The following RORA variants were observed in gnomAD, a reference collection of about 807,000 sequenced individuals.
RORA encodes nuclear receptor ROR-alpha.
Under a neutral mutation model 69.5 loss-of-function variants are expected in RORA, and 7 were observed. That is an observed-to-expected ratio of 0.10 (90% CI 0.06 to 0.19). The LOEUF (loss-of-function observed/expected upper bound fraction) is 0.19. Ranked by LOEUF, RORA falls within the 10% of genes least tolerant of loss-of-function variation. The probability of loss-of-function intolerance (pLI) is 1.00; values close to 1 mark genes in which losing one functional copy is unlikely to be tolerated. For synonymous variants in RORA, 261 were observed against 240.8 expected (o/e 1.08, Z -0.78); for missense variants, 457 against 663.0 (o/e 0.69, Z 3.41).
chr15:60,902,069 G>A (rs1166184723), intron 1 of RORA, among the ~76,000 whole-genome samples: 1 of 152,170 alleles, frequency 6.6e-6, no homozygotes, highest in Non-Finnish European at 1.5e-5. Context: ...TGCTACTACT[G>A]AAATATGAAT....
At chr15:60,530,991 G>GA (rs2066510522) in intron 3 of RORA, 1 of 152,144 alleles carries the variant, frequency 6.6e-6, no homozygotes, top group Admixed American at 6.5e-5. Context: ...CTGGGCTTGG[G>GA]GGGTCTTGAA....
chr15:61,075,118 C>T (rs1207930472), intron 1 of RORA, among the ~76,000 whole-genome samples: 4 of 150,520 alleles, frequency 2.7e-5, no homozygotes, highest in Non-Finnish European at 5.9e-5. Context: ...CAGAGAGTAA[C>T]AGCGGCACGT....
intron 2 of RORA, among the ~76,000 whole-genome samples, chr15:60,663,522 G>A (rs1169963472): frequency 1.3e-5 from 2 of 152,180 alleles, no homozygotes; most frequent in South Asian, 4.1e-4. Flanking sequence ...ATGACGCGAT[G>A]TTGGCTCACT....
chr15:60,722,314 G>T lies in RORA; in HGVS notation c.167-43628C>A, dbSNP rs1337634710. On this transcript the variant is annotated intron_variant, in intron 1 of 10. Coordinates refer to ENST00000335670, the MANE Select transcript of RORA (RefSeq NM_134261.3). Reference sequence around the variant, plus strand: ...TGTTCCAGTGAGTGAAACTGAAGAGGAAATAAAATCACAAAGATAACCCCA... The same window carrying T: ...TGTTCCAGTGAGTGAAACTGAAGAGTAAATAAAATCACAAAGATAACCCCA... Among the ~76,000 whole-genome samples the T allele has an allele frequency of 3.3e-5, 5 of 152,164 alleles. 1 individual carries two copies. The highest frequency in any genetic ancestry group is 9.7e-5 in the African/African-American group (4 of 41,446).
chr15:60,701,999 G>A (rs1269271020), intron 1 of RORA, among the ~76,000 whole-genome samples: 1 of 152,162 alleles, frequency 6.6e-6, no homozygotes, highest in African/African-American at 2.4e-5. Flanking sequence ...TGCTCTAAAA[G>A]GCAGTTTTCA....
At chr15:61,126,208 C>A (rs2079141328) in intron 1 of RORA, among the ~76,000 whole-genome samples, 1 of 152,146 alleles carries the variant, frequency 6.6e-6, no homozygotes, top group Admixed American at 6.5e-5. Flanking sequence ...CTTTTCCCCT[C>A]CAGCTTTATT....
intron 2 of RORA, among the ~76,000 whole-genome samples, chr15:60,615,457 CTCCA>C (rs2069213319): frequency 6.6e-6 from 1 of 152,150 alleles, no homozygotes; most frequent in South Asian, 2.1e-4. Context: ...GAGATGGGGC[CTCCA>C]AGGACTTATC....
chr15:60,862,903 T>G (rs982721997), intron 1 of RORA, among the ~76,000 whole-genome samples: 26 of 152,242 alleles, frequency 1.7e-4, no homozygotes, highest in African/African-American at 5.8e-4. Context: ...GCTTCAAGAC[T>G]GCCCTTTTTT....
At chr15:60,611,708 G>A (rs1173168598) in intron 2 of RORA, among the ~76,000 whole-genome samples, 1 of 151,888 alleles carries the variant, frequency 6.6e-6, no homozygotes, top group Non-Finnish European at 1.5e-5. Context: ...GACACAAGCT[G>A]CTTTGGGAAA....
At chr15:60,927,782 C>T (rs1892259802) in intron 1 of RORA, among the ~76,000 whole-genome samples, 1 of 152,078 alleles carries the variant, frequency 6.6e-6, no homozygotes. Flanking sequence ...TCAAAACAAA[C>T]AAACAAACAA....
At chr15:60,912,865 A>C (rs1332943590) in intron 1 of RORA, among the ~76,000 whole-genome samples, 1 of 152,216 alleles carries the variant, frequency 6.6e-6, no homozygotes, top group Non-Finnish European at 1.5e-5. Context: ...GTGATTTAAA[A>C]ATTTTTTACA....
intron 1 of RORA, among the ~76,000 whole-genome samples, chr15:61,030,463 T>A: frequency 6.6e-6 from 1 of 152,198 alleles, no homozygotes; most frequent in Non-Finnish European, 1.5e-5. Context: ...CTTGTTACTT[T>A]TCTGTAAGCC....
chr15:60,751,749 T>C (rs992686755), intron 1 of RORA, among the ~76,000 whole-genome samples: 6 of 152,072 alleles, frequency 3.9e-5, no homozygotes, highest in Admixed American at 2.0e-4. Flanking sequence ...TCCCTTCTTA[T>C]AGATGAAGAA....
chr15:60,700,025 G>T (rs2070960291), intron 1 of RORA, among the ~76,000 whole-genome samples: 2 of 152,170 alleles, frequency 1.3e-5, no homozygotes. Context: ...AAGCCAGGGA[G>T]GTCAGAGAGA....
chr15:60,554,959 T>C (rs1166652199), intron 2 of RORA, among the ~76,000 whole-genome samples: 1 of 151,800 alleles, frequency 6.6e-6, no homozygotes. Context: ...GAGGAAAAAA[T>C]ATATTGTAAT....
At chr15:60,507,590 C>T (rs1239789085) in intron 5 of RORA, among the ~76,000 whole-genome samples, 1 of 152,096 alleles carries the variant, frequency 6.6e-6, no homozygotes, top group Non-Finnish European at 1.5e-5. Flanking sequence ...AATTACATGT[C>T]TTAGAATCAA....
intron 1 of RORA, among the ~76,000 whole-genome samples, chr15:60,855,657 C>T (rs1241124016): frequency 1.3e-5 from 2 of 151,502 alleles, no homozygotes; most frequent in Non-Finnish European, 2.9e-5. Flanking sequence ...CTCGCTCTGT[C>T]GCCCAGGCTG....
At chr15:60,941,576 A>C (rs999993014) in intron 1 of RORA, among the ~76,000 whole-genome samples, 2 of 152,226 alleles carry the variant, frequency 1.3e-5, no homozygotes, top group African/African-American at 4.8e-5. Flanking sequence ...CACAGCAGCC[A>C]GTTTCTATGA....
At chr15:61,144,901 C>T (rs748000432) in intron 1 of RORA, among the ~76,000 whole-genome samples, 17 of 152,066 alleles carry the variant, frequency 1.1e-4, no homozygotes, top group Non-Finnish European at 1.2e-4. Context: ...CTATAAGTTT[C>T]GCTGTATATC....
Sources: gnomAD v4.1 joint callset for allele counts (sites outside exome capture counted in the v4.1 genomes callset) on GRCh38, gnomAD v4.1.1 for gene constraint, MANE v1.5 for transcripts, NCBI Gene and HGNC (gene_info 2026-07-23, HGNC 2026-07-21) for gene names.